Variants in HIPK2 observed in about 807,000 individuals in gnomAD.
HIPK2 encodes homeodomain-interacting protein kinase 2.
HIPK2 carries 27 observed loss-of-function variants against 113.7 expected under a neutral mutation model. That is an observed-to-expected ratio of 0.24 (90% CI 0.17 to 0.33). The LOEUF (loss-of-function observed/expected upper bound fraction) is 0.33, where lower values mean the gene tolerates loss of function less well. HIPK2 is among the 10% of genes least tolerant of loss of function. The pLI is 1.00. For synonymous variants in HIPK2, 631 were observed against 642.2 expected (o/e 0.98, Z 0.26); for missense variants, 1,257 against 1,588.0 (o/e 0.79, Z 3.54).
chr7:139,599,125 T>C (rs1377389910), intron 11 of HIPK2, among the ~76,000 whole-genome samples: 1 of 152,230 alleles, frequency 6.6e-6, no homozygotes, highest in Non-Finnish European at 1.5e-5. Context: ...TTCTCTTGAT[T>C]GACTTATCGC....
At chr7:139,606,934 G>A (rs1799638864) in intron 9 of HIPK2, among the ~76,000 whole-genome samples, 1 of 152,030 alleles carries the variant, frequency 6.6e-6, no homozygotes, top group Admixed American at 6.6e-5. Flanking sequence ...AAAGAAAGAG[G>A]AAACAAAAAC....
intron 12 of HIPK2, among the ~76,000 whole-genome samples, chr7:139,586,471 C>T (rs1798833976): frequency 1.3e-5 from 2 of 151,548 alleles, no homozygotes; most frequent in Admixed American, 6.6e-5. Context: ...ACTATTCAGT[C>T]ATGAAAATGA....
At position 139,561,593 on chromosome 7, in the gene HIPK2, T is replaced by C. The variant is rs1229906937; in HGVS notation, c.*11334A>G. On this transcript the variant is annotated 3_prime_UTR_variant, in exon 15 of 15. Transcript: ENST00000406875. ...TGTACAGTGATTTCAAACAGTTTAA[T>C]GTAATTCCAAGACAAAGTGTGATTA... is the stretch of plus-strand genomic sequence containing the variant. 1.3e-5 allele frequency: 2 copies of C among 152,246 alleles called. No homozygotes were observed. Among genetic ancestry groups the C allele is most frequent in the Non-Finnish European group, 2.9e-5 (2 of 68,046 alleles). The allele number at this position is 152,246 out of a possible 1,614,324, so 9.4% of individuals were successfully genotyped here. A position where few individuals can be genotyped will look rare whatever the true frequency, so the allele number is the denominator to read the frequency against.
At chr7:139,667,088 A>C (rs970501164) in intron 2 of HIPK2, among the ~76,000 whole-genome samples, 2 of 151,880 alleles carry the variant, frequency 1.3e-5, no homozygotes, top group Non-Finnish European at 2.9e-5. Flanking sequence ...AAAACAAAAA[A>C]ACTCCACACT....
At chr7:139,773,584 G>A (rs1466363724) in intron 1 of HIPK2, among the ~76,000 whole-genome samples, 1 of 152,196 alleles carries the variant, frequency 6.6e-6, no homozygotes, top group Non-Finnish European at 1.5e-5. Flanking sequence ...AACCTCAAAG[G>A]TGGTTCCCCA....
intron 1 of HIPK2, among the ~76,000 whole-genome samples, chr7:139,738,304 C>G (rs1436240039): frequency 6.6e-6 from 1 of 152,252 alleles, no homozygotes; most frequent in African/African-American, 2.4e-5. Context: ...GAAACACACG[C>G]TGAAGCATCG....
chr7:139,733,880 A>T (rs1795864314), intron 1 of HIPK2, among the ~76,000 whole-genome samples: 1 of 152,176 alleles, frequency 6.6e-6, no homozygotes, highest in South Asian at 2.1e-4. Context: ...TACGGTAACC[A>T]ACCATGGTCT....
chr7:139,604,814 G>T (rs1359140479), intron 9 of HIPK2, among the ~76,000 whole-genome samples: 1 of 151,824 alleles, frequency 6.6e-6, no homozygotes. Context: ...TTGCTCTAAT[G>T]AGCAATGCTT....
Position 139,604,164 on chromosome 7 carries a change from A to G in HIPK2, c.2172T>C (p.Thr724=), listed in dbSNP as rs750286792. The change falls in exon 10 of 15, where the codon ACT becomes ACC. Residue 724 remains threonine (T), a synonymous_variant. Transcript: ENST00000406875. ...ILLPPAWQQL[T]GVATHTSVQH... is the part of the protein sequence containing the mutation. The stretch of plus-strand genomic sequence containing the variant: ...GCACTGATGTGTGGGTGGCCACTCC[A>G]GTCAGTTGCTGCCATGCTGGGGGAA... The G allele has an allele frequency of 4.3e-6, 7 of 1,613,954 alleles. No individual in the cohort carries two copies. The highest frequency in any genetic ancestry group is 1.7e-5 in the Admixed American group (1 of 60,024).
chr7:139,740,405 G>A (rs1796066001), intron 1 of HIPK2, among the ~76,000 whole-genome samples: 1 of 152,226 alleles, frequency 6.6e-6, no homozygotes, highest in South Asian at 2.1e-4. Flanking sequence ...CAGATGAAGA[G>A]GCGCTCTGTG....
At chr7:139,748,743 G>A (rs1796231072) in intron 1 of HIPK2, among the ~76,000 whole-genome samples, 1 of 152,078 alleles carries the variant, frequency 6.6e-6, no homozygotes. Flanking sequence ...ACATGCTGAA[G>A]TACTGGGGGT....
intron 10 of HIPK2, 92 bp downstream of exon 10, chr7:139,603,989 A>T (rs1205697695): frequency 6.5e-7 from 1 of 1,539,430 alleles, no homozygotes; most frequent in Non-Finnish European, 8.9e-7. Context: ...CGGGGAATTG[A>T]AGTACAGGCC....
intron 1 of HIPK2, among the ~76,000 whole-genome samples, chr7:139,750,411 T>G (rs542473441): frequency 6.6e-6 from 1 of 152,314 alleles, no homozygotes; most frequent in African/African-American, 2.4e-5. Flanking sequence ...CCTCAAATGA[T>G]CTCTTCCTAT....
In HIPK2 at chr7:139,575,161, G is replaced by A. The variant is rs1269303027; in HGVS notation, c.3093C>T (p.His1031=). ...ITYRQQRPGP[H]FQQQQPLNLS... is the part of the protein sequence containing the mutation. ...GATTGAGTGGCTGCTGCTGCTGGAA[G>A]TGGGGGCCCGGCCGCTGCTGCCGGT... Residue 1031 remains histidine (H), a synonymous_variant, in exon 14 of 15, where the codon CAC becomes CAT. Coordinates refer to ENST00000406875, the MANE Select transcript of HIPK2 (RefSeq NM_022740.5). 1.4e-5 allele frequency: 22 copies of A among 1,594,756 alleles called. No homozygotes were observed. The highest frequency in any genetic ancestry group is 1.7e-5 in the Non-Finnish European group (20 of 1,171,268).
At chr7:139,697,878 T>A (rs909974731) in intron 2 of HIPK2, among the ~76,000 whole-genome samples, 27,714 of 150,620 alleles carry the variant, frequency 0.18, 3,299 homozygotes, top group East Asian at 0.55. Flanking sequence ...TTTTTTTTTT[T>A]TTTTTTTTTG....
At chr7:139,762,263 C>T (rs1796477432) in intron 1 of HIPK2, among the ~76,000 whole-genome samples, 1 of 152,200 alleles carries the variant, frequency 6.6e-6, no homozygotes, top group Admixed American at 6.5e-5. Flanking sequence ...GGTGGCAACA[C>T]TGTAGAAAGA....
At chr7:139,735,431 C>G (rs1325454231) in intron 1 of HIPK2, among the ~76,000 whole-genome samples, 1 of 152,150 alleles carries the variant, frequency 6.6e-6, no homozygotes, top group Non-Finnish European at 1.5e-5. Flanking sequence ...CCCAATAATC[C>G]TTAAATTTAT....
chr7:139,573,054 G>C lies in HIPK2; in HGVS notation c.3470C>G (p.Thr1157Ser). 6.2e-7 allele frequency: 1 copy of C among 1,612,288 alleles called. No individual in the cohort carries two copies. Among genetic ancestry groups the C allele is most frequent in the East Asian group, 2.2e-5 (1 of 44,834 alleles). The change falls in exon 15 of 15, where the codon ACC becomes AGC. Residue 1157 changes from threonine (T) to serine (S), a missense_variant. This residue lies in a region of HIPK2 where 862 missense variants were observed against 1,004.3 expected (regional missense o/e 0.86). Transcript: ENST00000406875. ...SMGPRVLPSP[T>S]IHPSQYPAQF... ...GGCTGGATACTGACTCGGGTGGATG[G>C]TGGGCGAGGGCAGGACCCGGGGGCC...
At chr7:139,711,724 T>C (rs1795074477) in intron 2 of HIPK2, among the ~76,000 whole-genome samples, 2 of 151,726 alleles carry the variant, frequency 1.3e-5, no homozygotes, top group South Asian at 2.1e-4. Flanking sequence ...AATACCCCAG[T>C]ACCAATTTAT....
Sources: gnomAD v4.1 joint callset for allele counts (sites outside exome capture counted in the v4.1 genomes callset) on GRCh38, gnomAD v4.1.1 for gene constraint, gnomAD v4.1.1 regional missense constraint, MANE v1.5 for transcripts, NCBI Gene and HGNC (gene_info 2026-07-23, HGNC 2026-07-21) for gene names.